Variants in NTM observed in about 807,000 individuals in gnomAD.
The protein encoded by NTM is IgLON family member 2.
NTM carries 13 observed loss-of-function variants against 42.1 expected under a neutral mutation model. That is an observed-to-expected ratio of 0.31 (90% CI 0.20 to 0.49). NTM has a LOEUF of 0.49. Ranked by LOEUF, NTM falls within the 20% of genes least tolerant of loss-of-function variation. The pLI, the probability that NTM is intolerant of heterozygous loss-of-function variation, is 0.99. For synonymous variants in NTM, 187 were observed against 179.2 expected (o/e 1.04, Z -0.35); for missense variants, 373 against 452.8 (o/e 0.82, Z 1.60).
chr11:131,410,794 T>C (rs1310971295), intron 1 of NTM, among the ~76,000 whole-genome samples: 1 of 152,178 alleles, frequency 6.6e-6, no homozygotes, highest in Admixed American at 6.5e-5. Flanking sequence ...TGGTGTTCCA[T>C]TATTGGAACG....
intron 1 of NTM, among the ~76,000 whole-genome samples, chr11:131,857,912 C>T (rs961604466): frequency 1.3e-5 from 2 of 152,110 alleles, no homozygotes; most frequent in Admixed American, 6.5e-5. Context: ...GATTGAGCTT[C>T]GTCTCCTTCA....
At chr11:131,908,959 T>C (rs2054271864) in intron 1 of NTM, among the ~76,000 whole-genome samples, 2 of 152,240 alleles carry the variant, frequency 1.3e-5, no homozygotes, top group African/African-American at 4.8e-5. Context: ...AAGTTGACGA[T>C]TGATAGTTTT....
intron 1 of NTM, among the ~76,000 whole-genome samples, chr11:131,393,102 T>C (rs886642190): frequency 2.0e-5 from 3 of 152,096 alleles, no homozygotes; most frequent in Non-Finnish European, 4.4e-5. Flanking sequence ...TCAGACGGGC[T>C]CTCTCTGTCT....
intron 2 of NTM, among the ~76,000 whole-genome samples, chr11:132,121,434 T>C (rs2064806715): frequency 6.6e-6 from 1 of 152,060 alleles, no homozygotes; most frequent in African/African-American, 2.4e-5. Flanking sequence ...AACAGAGGCG[T>C]GATGAAATGC....
intron 1 of NTM, among the ~76,000 whole-genome samples, chr11:131,801,466 G>T (rs1294752798): frequency 6.6e-6 from 1 of 152,186 alleles, no homozygotes; most frequent in Non-Finnish European, 1.5e-5. Flanking sequence ...TATCCCCTTA[G>T]AGGTTGTGTT....
intron 2 of NTM, among the ~76,000 whole-genome samples, chr11:131,987,281 ACACACTCCAGACAAGTACACACATG>A (rs1366208504): frequency 6.6e-6 from 1 of 152,222 alleles, no homozygotes; most frequent in Non-Finnish European, 1.5e-5. Flanking sequence ...TTTAACTGGA[ACACACTCCAGACAAGTACACACATG>A]CACACTCCCA....
At chr11:131,911,132 G>T (rs908469151) in intron 1 of NTM, 2 of 1,255,554 alleles carry the variant, frequency 1.6e-6, no homozygotes, top group East Asian at 8.1e-5. Flanking sequence ...TGCCGTGTCT[G>T]AACTGCCGCT....
intron 2 of NTM, among the ~76,000 whole-genome samples, chr11:131,967,533 C>T (rs1479409746): frequency 6.6e-6 from 1 of 152,032 alleles, no homozygotes; most frequent in Non-Finnish European, 1.5e-5. Flanking sequence ...GGATGAGGAC[C>T]AAGCCAGGAC....
chr11:131,373,193 G>A (rs1337800149), intron 1 of NTM, among the ~76,000 whole-genome samples: 4 of 152,350 alleles, frequency 2.6e-5, no homozygotes, highest in African/African-American at 9.6e-5. Flanking sequence ...AAGTCTGCCA[G>A]CTATCTCTTA....
chr11:131,814,510 T>C (rs904789623), intron 1 of NTM, among the ~76,000 whole-genome samples: 1 of 152,106 alleles, frequency 6.6e-6, no homozygotes, highest in African/African-American at 2.4e-5. Context: ...TGGCAGTACA[T>C]TTTCATTCCT....
chr11:132,299,114 T>C (rs1301311219), intron 4 of NTM, among the ~76,000 whole-genome samples: 1 of 150,984 alleles, frequency 6.6e-6, no homozygotes, highest in African/African-American at 2.4e-5. Flanking sequence ...GCTAACACAA[T>C]GAAACCCCGT....
At chr11:132,078,724 A>G (rs2136248908) in intron 2 of NTM, among the ~76,000 whole-genome samples, 1 of 152,322 alleles carries the variant, frequency 6.6e-6, no homozygotes, top group East Asian at 1.9e-4. Flanking sequence ...TTTTAGATGC[A>G]TTCAAATTTC....
chr11:131,431,844 A>G (rs1948677978), intron 1 of NTM, among the ~76,000 whole-genome samples: 1 of 152,018 alleles, frequency 6.6e-6, no homozygotes, highest in Admixed American at 6.6e-5. Flanking sequence ...GCTCCCAGGG[A>G]GTTTCCTCAC....
chr11:131,673,103 G>C (rs1055997698), intron 1 of NTM, among the ~76,000 whole-genome samples: 1 of 151,940 alleles, frequency 6.6e-6, no homozygotes, highest in Non-Finnish European at 1.5e-5. Context: ...CCTAAAAATA[G>C]ATGGGGATGG....
At chr11:131,853,636 T>C (rs966222628) in intron 1 of NTM, among the ~76,000 whole-genome samples, 1 of 152,256 alleles carries the variant, frequency 6.6e-6, no homozygotes, top group African/African-American at 2.4e-5. Context: ...CTTTATTCAG[T>C]CTATCATTGA....
At chr11:131,407,247 T>C (rs1473550029) in intron 1 of NTM, among the ~76,000 whole-genome samples, 2 of 152,212 alleles carry the variant, frequency 1.3e-5, no homozygotes, top group East Asian at 3.9e-4. Context: ...AGTGACTCAA[T>C]GTGCCTGTCA....
At chr11:131,959,023 CTT>C (rs1565825707) in intron 2 of NTM, among the ~76,000 whole-genome samples, 1 of 152,152 alleles carries the variant, frequency 6.6e-6, no homozygotes, top group Non-Finnish European at 1.5e-5. Flanking sequence ...AGATAAAAGA[CTT>C]TGTTACTCGT....
chr11:131,766,436 C>T (rs2085111671), intron 1 of NTM, among the ~76,000 whole-genome samples: 1 of 152,126 alleles, frequency 6.6e-6, no homozygotes, highest in South Asian at 2.1e-4. Flanking sequence ...AAATCAGATG[C>T]ACCGAGGAGC....
At chr11:131,809,923 A>G (rs575351776) in intron 1 of NTM, among the ~76,000 whole-genome samples, 1 of 152,312 alleles carries the variant, frequency 6.6e-6, no homozygotes, top group East Asian at 1.9e-4. Context: ...TTTTGATAGA[A>G]GGTTAATGCA....
Sources: allele counts gnomAD v4.1 joint callset (sites outside exome capture counted in the v4.1 genomes callset), GRCh38; gene constraint gnomAD v4.1.1; transcripts MANE v1.5; gene names NCBI Gene and HGNC (gene_info 2026-07-23, HGNC 2026-07-21).